Variants in ITGBL1 observed in about 807,000 individuals in gnomAD.
ITGBL1 encodes the protein integrin subunit beta like 1, also known as integrin beta-like protein 1.
Under a neutral mutation model 68.5 loss-of-function variants are expected in ITGBL1, and 51 were observed. The ratio of observed to expected loss-of-function variants is 0.74; its 90% CI spans 0.59 to 0.94. The LOEUF is 0.94. Ranked by LOEUF, ITGBL1 falls within the 40% of genes least tolerant of loss-of-function variation. The pLI is 0.00. For missense variants in ITGBL1, 649 were observed against 647.4 expected (o/e 1.00, Z -0.03); for synonymous variants, 209 against 227.3 (o/e 0.92, Z 0.72).
intron 2 of ITGBL1, among the ~76,000 whole-genome samples, chr13:101,564,824 A>G (rs2050157913): frequency 6.6e-6 from 1 of 151,512 alleles, no homozygotes; most frequent in South Asian, 2.1e-4. Flanking sequence ...TTTCAATACA[A>G]AAATGGGCAA....
intron 2 of ITGBL1, among the ~76,000 whole-genome samples, chr13:101,548,603 C>A (rs2049867028): frequency 6.6e-6 from 1 of 151,686 alleles, no homozygotes; most frequent in Admixed American, 6.6e-5. Flanking sequence ...TGTCTGTTAT[C>A]ATTTTAAACA....
In ITGBL1 at chr13:101,582,150, A is replaced by G. The variant is rs561287001; in HGVS notation, c.728-1066A>G. Among the ~76,000 whole-genome samples the G allele has an allele frequency of 3.6e-4, 54 of 152,086 alleles. No individual in the cohort carries two copies. In the South Asian group the frequency reaches 0.011, roughly 30 times the overall value. The stretch of plus-strand genomic sequence containing the variant: ...ATTAATCCTTTATATATTCAATTCT[A>G]TGATTTATTTATATGTTTTTGAAAT... On this transcript the variant is annotated intron_variant, in intron 5 of 10. Transcript: ENST00000376180.
intron 2 of ITGBL1, among the ~76,000 whole-genome samples, chr13:101,564,925 A>G (rs1320708669): frequency 6.6e-6 from 1 of 152,056 alleles, no homozygotes; most frequent in Non-Finnish European, 1.5e-5. Flanking sequence ...ATATGAAAGG[A>G]TATGCAGTAT....
chr13:101,542,094 C>A (rs1021751548), intron 2 of ITGBL1, among the ~76,000 whole-genome samples: 15 of 152,234 alleles, frequency 9.9e-5, no homozygotes, highest in African/African-American at 3.1e-4. Flanking sequence ...TTGCCTTCTG[C>A]TAGCTTTTGA....
intron 9 of ITGBL1, among the ~76,000 whole-genome samples, chr13:101,708,200 G>A (rs1163632300): frequency 6.6e-6 from 1 of 152,120 alleles, no homozygotes; most frequent in Non-Finnish European, 1.5e-5. Flanking sequence ...TAATGCATAT[G>A]GCATCATCTA....
intron 2 of ITGBL1, among the ~76,000 whole-genome samples, chr13:101,464,550 T>C (rs1156974415): frequency 6.6e-6 from 1 of 151,940 alleles, no homozygotes; most frequent in Non-Finnish European, 1.5e-5. Flanking sequence ...TATATATGCA[T>C]ATGTTTATAT....
At chr13:101,690,492 G>T (rs1392482675) in intron 7 of ITGBL1, among the ~76,000 whole-genome samples, 1 of 152,148 alleles carries the variant, frequency 6.6e-6, no homozygotes, top group Non-Finnish European at 1.5e-5. Flanking sequence ...TGCAACTGAT[G>T]ATCATGGCTT....
chr13:101,493,033 T>C (rs1382827484), intron 2 of ITGBL1, among the ~76,000 whole-genome samples: 1 of 152,154 alleles, frequency 6.6e-6, no homozygotes, highest in Non-Finnish European at 1.5e-5. Context: ...TTGTACAAAG[T>C]TTATTGTGTA....
At chr13:101,513,037 G>C (rs2139115421) in intron 2 of ITGBL1, among the ~76,000 whole-genome samples, 1 of 152,102 alleles carries the variant, frequency 6.6e-6, no homozygotes, top group East Asian at 1.9e-4. Context: ...ACTTTAACTT[G>C]CAAGAACTAT....
At chr13:101,606,087 A>C (rs1237056151) in intron 7 of ITGBL1, among the ~76,000 whole-genome samples, 9 of 134,278 alleles carry the variant, frequency 6.7e-5, no homozygotes, top group Admixed American at 2.3e-4. Context: ...TATATGCTAT[A>C]TATATATATA....
At chr13:101,697,389 T>C (rs1335682077) in intron 8 of ITGBL1, among the ~76,000 whole-genome samples, 1 of 152,186 alleles carries the variant, frequency 6.6e-6, no homozygotes, top group Non-Finnish European at 1.5e-5. Flanking sequence ...TCATAAATCT[T>C]CTTTGGGTAT....
chr13:101,492,567 G>A (rs143637962), intron 2 of ITGBL1, among the ~76,000 whole-genome samples: 11 of 152,208 alleles, frequency 7.2e-5, no homozygotes, highest in African/African-American at 2.6e-4. Flanking sequence ...CTAAGAGGGT[G>A]GTCTGGATTC....
At chr13:101,642,855 T>C (rs1387592377) in intron 7 of ITGBL1, among the ~76,000 whole-genome samples, 1 of 152,024 alleles carries the variant, frequency 6.6e-6, no homozygotes, top group African/African-American at 2.4e-5. Context: ...CTCAGGTTTG[T>C]CAAAGATCAG....
At chr13:101,591,011 C>A (rs897586731) in intron 6 of ITGBL1, among the ~76,000 whole-genome samples, 6 of 152,044 alleles carry the variant, frequency 3.9e-5, no homozygotes, top group African/African-American at 1.2e-4. Flanking sequence ...TCAAGCAATT[C>A]TCCTGCCTAG....
At chr13:101,502,657 T>C (rs2048961975) in intron 2 of ITGBL1, among the ~76,000 whole-genome samples, 1 of 152,230 alleles carries the variant, frequency 6.6e-6, no homozygotes, top group South Asian at 2.1e-4. Flanking sequence ...TTGCTAACTC[T>C]GAATATTTAA....
chr13:101,608,201 C>T (rs1173697198), intron 7 of ITGBL1, among the ~76,000 whole-genome samples: 3 of 152,004 alleles, frequency 2.0e-5, no homozygotes, highest in Non-Finnish European at 4.4e-5. Flanking sequence ...AGAATTGTTT[C>T]AATTCCCTTA....
chr13:101,610,210 A>G lies in ITGBL1; in HGVS notation c.1015+11911A>G, dbSNP rs564857665. On this transcript the variant is annotated intron_variant, in intron 7 of 10. Coordinates refer to ENST00000376180, the MANE Select transcript of ITGBL1 (RefSeq NM_004791.3). ...GCAGTTATTTACCTGATTTCATTCA[A>G]TATAAACAGGCAAACCAGATACTTT... 2.7e-3 allele frequency among the ~76,000 whole-genome samples: 407 copies of G among 152,304 alleles called. 1 individual carries two copies. Among genetic ancestry groups the G allele is most frequent in the African/African-American group, 9.6e-3 (397 of 41,570 alleles).
At chr13:101,559,199 C>T (rs1460178144) in intron 2 of ITGBL1, among the ~76,000 whole-genome samples, 3 of 152,226 alleles carry the variant, frequency 2.0e-5, no homozygotes, top group Non-Finnish European at 2.9e-5. Flanking sequence ...CAAACAAGAT[C>T]TGATCACAAT....
chr13:101,521,305 T>C (rs1400679691), intron 2 of ITGBL1, among the ~76,000 whole-genome samples: 2 of 152,190 alleles, frequency 1.3e-5, no homozygotes, highest in African/African-American at 4.8e-5. Flanking sequence ...CTTACATGCA[T>C]CTTTCATTGT....
Sources: gnomAD v4.1 joint callset for allele counts (sites outside exome capture counted in the v4.1 genomes callset) on GRCh38, gnomAD v4.1.1 for gene constraint, MANE v1.5 for transcripts, NCBI Gene and HGNC (gene_info 2026-07-23, HGNC 2026-07-21) for gene names.